Variants in ELMO1 observed in about 807,000 individuals in gnomAD.
ELMO1 encodes the protein engulfment and cell motility protein 1.
ELMO1 carries 26 observed loss-of-function variants against 98.9 expected under a neutral mutation model. The observed-to-expected ratio is 0.26, with a 90% confidence interval of 0.19 to 0.36. The LOEUF is 0.36. ELMO1 is among the 10% of genes least tolerant of loss of function. The pLI is 1.00. For synonymous variants in ELMO1, 346 were observed against 346.0 expected (o/e 1.00, Z 0.00); for missense variants, 627 against 935.2 (o/e 0.67, Z 4.30).
intron 1 of ELMO1, among the ~76,000 whole-genome samples, chr7:37,395,903 A>G (rs1882075): frequency 0.95 from 144,597 of 151,620 alleles, 69,042 homozygotes; most frequent in East Asian, 1. Flanking sequence ...TTTGATTAAC[A>G]GTGAGAAAAA....
chr7:37,409,427 C>T (rs1158412983), intron 1 of ELMO1, among the ~76,000 whole-genome samples: 5 of 152,212 alleles, frequency 3.3e-5, no homozygotes, highest in African/African-American at 7.2e-5. Flanking sequence ...ACAACAATCA[C>T]TTCATTTTTC....
chr7:37,113,397 T>C (rs1373404428), intron 14 of ELMO1, among the ~76,000 whole-genome samples: 3 of 152,286 alleles, frequency 2.0e-5, no homozygotes, highest in Non-Finnish European at 2.9e-5. Flanking sequence ...ACAGTGAATA[T>C]CGAGCATGTA....
At chr7:37,292,503 G>A (rs1376001872) in intron 4 of ELMO1, among the ~76,000 whole-genome samples, 2 of 62,020 alleles carry the variant, frequency 3.2e-5, no homozygotes, top group East Asian at 7.2e-4. Flanking sequence ...AGGAAGTGAG[G>A]AGCGCCTCTT....
chr7:37,189,998 C>A (rs1199513653), intron 13 of ELMO1, among the ~76,000 whole-genome samples: 4 of 144,930 alleles, frequency 2.8e-5, no homozygotes, highest in East Asian at 2.0e-4. Flanking sequence ...ACAAACCATG[C>A]CAAATCAGAT....
rs143184572 is a variant in ELMO1, at chr7:37,010,449, G to C, written c.1437+2850C>G. On this transcript the variant is annotated intron_variant, in intron 16 of 21. Coordinates refer to ENST00000310758, the MANE Select transcript of ELMO1 (RefSeq NM_014800.11). ...GGGAAGATGATGCTGGATTATCCAG[G>C]TCACCCAATGTAATCACAAGGTCCT... Among the ~76,000 whole-genome samples, 76 of 152,314 alleles carry C rather than the reference G, an allele frequency of 5.0e-4. No individual in the cohort carries two copies. The East Asian group carries it at 0.014, about 29-fold the overall frequency.
At chr7:36,964,427 G>A (rs974647571) in intron 16 of ELMO1, among the ~76,000 whole-genome samples, 6 of 152,140 alleles carry the variant, frequency 3.9e-5, no homozygotes, top group African/African-American at 1.4e-4. Context: ...TATACTGAAA[G>A]TAAAAACCAG....
chr7:36,977,512 C>A (rs1790658743), intron 16 of ELMO1, among the ~76,000 whole-genome samples: 1 of 152,234 alleles, frequency 6.6e-6, no homozygotes, highest in African/African-American at 2.4e-5. Flanking sequence ...TACTTCTACC[C>A]AAGTCACATG....
At chr7:37,185,819 A>G (rs1290253814) in intron 13 of ELMO1, among the ~76,000 whole-genome samples, 2 of 152,230 alleles carry the variant, frequency 1.3e-5, no homozygotes, top group Non-Finnish European at 2.9e-5. Flanking sequence ...GATGACCTAA[A>G]TAAATCAATG....
intron 1 of ELMO1, among the ~76,000 whole-genome samples, chr7:37,370,905 C>T (rs532764755): frequency 2.0e-5 from 3 of 152,256 alleles, no homozygotes; most frequent in African/African-American, 7.2e-5. Flanking sequence ...AGCATCTCCT[C>T]TCCTGGGGTA....
At chr7:37,122,678 T>C (rs1025373420) in intron 14 of ELMO1, among the ~76,000 whole-genome samples, 3 of 152,136 alleles carry the variant, frequency 2.0e-5, no homozygotes, top group Middle Eastern at 3.4e-3. Context: ...TCCCACACAA[T>C]AATAATGGGA....
At chr7:37,404,076 T>C (rs192017811) in intron 1 of ELMO1, among the ~76,000 whole-genome samples, 1 of 152,106 alleles carries the variant, frequency 6.6e-6, no homozygotes, top group Admixed American at 6.5e-5. Context: ...AAATAAAATA[T>C]ATTAATGGGG....
chr7:37,300,794 G>T (rs61897209), intron 4 of ELMO1, among the ~76,000 whole-genome samples: 51,507 of 150,402 alleles, frequency 0.34, 9,866 homozygotes, highest in Middle Eastern at 0.53. Context: ...AAATGAGTTA[G>T]GGAGGATTCC....
At chr7:37,284,377 G>A (rs1797286449) in intron 4 of ELMO1, among the ~76,000 whole-genome samples, 1 of 152,208 alleles carries the variant, frequency 6.6e-6, no homozygotes, top group Non-Finnish European at 1.5e-5. Context: ...ATTTGTTGAA[G>A]CAGTGAATGA....
intron 1 of ELMO1, among the ~76,000 whole-genome samples, chr7:37,411,556 T>C (rs1054797002): frequency 6.6e-6 from 1 of 152,194 alleles, no homozygotes; most frequent in East Asian, 1.9e-4. Context: ...TTCTCTATTG[T>C]ATTAGAGGGT....
At chr7:37,113,579 G>A (rs898829972) in intron 14 of ELMO1, among the ~76,000 whole-genome samples, 3 of 152,132 alleles carry the variant, frequency 2.0e-5, no homozygotes, top group Non-Finnish European at 4.4e-5. Context: ...AAAGCAAAAA[G>A]TAAAAGGCCC....
chr7:37,020,703 T>C (rs531854900), intron 15 of ELMO1, among the ~76,000 whole-genome samples: 13 of 152,204 alleles, frequency 8.5e-5, no homozygotes, highest in Non-Finnish European at 1.5e-4. Flanking sequence ...AACAGAGATT[T>C]GGGAGCACTG....
chr7:37,111,935 A>G (rs1399697055), intron 14 of ELMO1, among the ~76,000 whole-genome samples: 2 of 152,226 alleles, frequency 1.3e-5, no homozygotes, highest in African/African-American at 2.4e-5. Flanking sequence ...CATGGCTTTC[A>G]TAACTGAGAT....
intron 8 of ELMO1, among the ~76,000 whole-genome samples, chr7:37,227,630 C>T (rs1793941008): frequency 2.0e-5 from 3 of 152,196 alleles, no homozygotes; most frequent in Admixed American, 1.3e-4. Flanking sequence ...AAGTAATCCA[C>T]CCGCCTCGGC....
At chr7:37,154,501 G>A (rs527923233) in intron 13 of ELMO1, among the ~76,000 whole-genome samples, 33 of 152,312 alleles carry the variant, frequency 2.2e-4, no homozygotes, top group African/African-American at 7.0e-4. Context: ...ACCACAGTAC[G>A]AGAACTGCGT....
Sources: gnomAD v4.1 joint callset for allele counts (sites outside exome capture counted in the v4.1 genomes callset) on GRCh38, gnomAD v4.1.1 for gene constraint, MANE v1.5 for transcripts, NCBI Gene and HGNC (gene_info 2026-07-23, HGNC 2026-07-21) for gene names.